Variants in GRAP2 observed in about 807,000 individuals in gnomAD.
GRAP2 encodes the protein GRB2-related adapter protein 2.
Under a neutral mutation model 43.5 loss-of-function variants are expected in GRAP2, and 31 were observed. The ratio of observed to expected loss-of-function variants is 0.71; its 90% CI spans 0.54 to 0.96. The LOEUF is 0.96. GRAP2 is among the 40% of genes least tolerant of loss of function. The probability of loss-of-function intolerance (pLI) is 0.00; values close to 1 mark genes in which losing one functional copy is unlikely to be tolerated. For synonymous variants in GRAP2, 156 were observed against 164.8 expected, an observed-to-expected ratio of 0.95 and a Z score of 0.41; for missense variants, 371 against 424.4, an observed-to-expected ratio of 0.87 and a Z score of 1.11.
chr22:39,900,523 T>TC (rs1348737854), upstream of GRAP2, among the ~76,000 whole-genome samples: 3 of 152,086 alleles, frequency 2.0e-5, no homozygotes, highest in South Asian at 6.2e-4. Flanking sequence ...AAGTTGAAGG[T>TC]AACAAAACTC....
intron 1 of GRAP2, among the ~76,000 whole-genome samples, chr22:39,938,429 G>A (rs2066830082): frequency 6.6e-6 from 1 of 152,352 alleles, no homozygotes; most frequent in South Asian, 2.1e-4. Flanking sequence ...TCTGACGGGG[G>A]AGATTGTTCC....
upstream of GRAP2, among the ~76,000 whole-genome samples, chr22:39,900,404 G>A (rs1055991235): frequency 4.6e-5 from 7 of 152,182 alleles, no homozygotes; most frequent in African/African-American, 7.2e-5. Flanking sequence ...AAGATGCAAC[G>A]TTGGCAATCC....
Position 39,917,392 on chromosome 22 carries a change from C to T in GRAP2, c.-15+16062C>T, listed in dbSNP as rs549959291. Among the ~76,000 whole-genome samples the T allele has an allele frequency of 7.2e-5, 11 of 152,330 alleles. No homozygotes were observed. In the South Asian group the frequency reaches 2.3e-3, roughly 32 times the overall value. On this transcript the variant is annotated intron_variant, in intron 1 of 7. Transcript: ENST00000344138. Reference sequence around the variant, plus strand: ...CTAACAACACGCCTCTCCCCTTCACCTGCCAGATGCTTCTCGTTCTCAGAC... The same window carrying T: ...CTAACAACACGCCTCTCCCCTTCACTTGCCAGATGCTTCTCGTTCTCAGAC...
At chr22:39,952,059 C>G (rs1418359555) in intron 2 of GRAP2, among the ~76,000 whole-genome samples, 1 of 141,954 alleles carries the variant, frequency 7.0e-6, no homozygotes, top group African/African-American at 2.6e-5. Context: ...CAGAGTCTTG[C>G]TCTGTTGCCC....
chr22:39,969,916 A>AAAAAC (rs749695383), intron 7 of GRAP2, among the ~76,000 whole-genome samples: 8 of 152,250 alleles, frequency 5.3e-5, no homozygotes, highest in South Asian at 2.1e-4. Context: ...CTCCGTCTCA[A>AAAAAC]AAAACAAAAC....
intron 6 of GRAP2, chr22:39,968,561 C>T: frequency 2.1e-6 from 1 of 480,648 alleles, no homozygotes; most frequent in Non-Finnish European, 3.7e-6. Context: ...GCTTCATTTT[C>T]CTATCAGCAC....
intron 1 of GRAP2, among the ~76,000 whole-genome samples, chr22:39,904,470 T>C (rs1349126214): frequency 6.6e-6 from 1 of 152,216 alleles, no homozygotes; most frequent in Non-Finnish European, 1.5e-5. Flanking sequence ...GAAATATTAG[T>C]ACTCACTACC....
At chr22:39,970,430 TG>T (rs769905910) in intron 7 of GRAP2, among the ~76,000 whole-genome samples, 3 of 152,100 alleles carry the variant, frequency 2.0e-5, no homozygotes, top group African/African-American at 4.8e-5. Flanking sequence ...CAAGGGCTGT[TG>T]TTTGGGGCAT....
intron 1 of GRAP2, among the ~76,000 whole-genome samples, chr22:39,905,682 A>G (rs1322588397): frequency 1.3e-5 from 2 of 152,200 alleles, no homozygotes; most frequent in Non-Finnish European, 2.9e-5. Context: ...CAATGAAGAA[A>G]GTGCTAATAA....
chr22:39,900,375 T>C (rs190157734), upstream of GRAP2, among the ~76,000 whole-genome samples: 259 of 152,320 alleles, frequency 1.7e-3, no homozygotes, highest in South Asian at 5.6e-3. Context: ...CAAGTAGCAA[T>C]GTCTCTAATT....
rs138010 is a variant in GRAP2 at position 39,968,458 on chromosome 22, A to AACACACACAC, written c.690+199_690+208dup. 5.3e-4 allele frequency: 277 copies of AACACACACAC among 524,000 alleles called. 2 individuals carry two copies. Among genetic ancestry groups the AACACACACAC allele is most frequent in the African/African-American group, 4.9e-3 (248 of 51,108 alleles). 32.5% of individuals were successfully genotyped at this position (524,000 alleles called of 1,614,324 possible). A position where few individuals can be genotyped will look rare whatever the true frequency, so the allele number is the denominator to read the frequency against. On this transcript the variant is annotated intron_variant, in intron 6 of 7. Transcript: ENST00000344138. Reference sequence around the variant, plus strand: ...CTATGAATTAAATGGCTCCCACCTGAACACACACACACACACACACACTGT... The same window carrying AACACACACAC: ...CTATGAATTAAATGGCTCCCACCTGAACACACACACACACACACACACACACACACACTGT...
intron 4 of GRAP2, chr22:39,960,512 T>G (rs984416049): frequency 8.6e-6 from 2 of 231,488 alleles, no homozygotes; most frequent in Non-Finnish European, 1.7e-5. Context: ...CAGTGAGTAT[T>G]TGTGGAAGGA....
intron 1 of GRAP2, among the ~76,000 whole-genome samples, chr22:39,929,313 A>C (rs1188195122): frequency 6.6e-6 from 1 of 152,186 alleles, no homozygotes; most frequent in African/African-American, 2.4e-5. Flanking sequence ...GTGGAGTGAC[A>C]TGAAAAAGGA....
intron 1 of GRAP2, among the ~76,000 whole-genome samples, chr22:39,924,167 C>T (rs1403593752): frequency 6.6e-6 from 1 of 152,172 alleles, no homozygotes; most frequent in East Asian, 1.9e-4. Flanking sequence ...CTCCTTTGAT[C>T]TATGAAATAC....
chr22:39,960,488 A>G, intron 4 of GRAP2: 1 of 275,638 alleles, frequency 3.6e-6, no homozygotes, highest in Non-Finnish European at 7.0e-6. Flanking sequence ...TGTCTTGCAT[A>G]AAAGAGAGAC....
intron 5 of GRAP2, 128 bp downstream of exon 5, chr22:39,966,286 T>C (rs1374180050): frequency 5.6e-6 from 4 of 709,968 alleles, no homozygotes; most frequent in Non-Finnish European, 7.1e-6. Context: ...AGCTCAGAGC[T>C]CTGAGGTCAG....
chr22:39,933,283 A>G (rs2066774457), intron 1 of GRAP2, among the ~76,000 whole-genome samples: 2 of 152,272 alleles, frequency 1.3e-5, no homozygotes, highest in African/African-American at 4.8e-5. Flanking sequence ...CTGCACAACC[A>G]TACATAGCAA....
At chr22:39,970,307 C>T (rs1204242425) in intron 7 of GRAP2, among the ~76,000 whole-genome samples, 1 of 152,072 alleles carries the variant, frequency 6.6e-6, no homozygotes, top group African/African-American at 2.4e-5. Flanking sequence ...TCTGGAACTC[C>T]TGGGCTCAAG....
upstream of GRAP2, among the ~76,000 whole-genome samples, chr22:39,898,832 A>G (rs551437311): frequency 7.2e-5 from 11 of 152,310 alleles, no homozygotes; most frequent in South Asian, 2.3e-3. Context: ...AAATAAAACA[A>G]AAAACAAAAC....
Sources: allele counts gnomAD v4.1 joint callset (sites outside exome capture counted in the v4.1 genomes callset), GRCh38; gene constraint gnomAD v4.1.1; transcripts MANE v1.5; gene names NCBI Gene and HGNC (gene_info 2026-07-23, HGNC 2026-07-21).